ATP2B3: variants seen among roughly 807,000 people sequenced by gnomAD.
ATP2B3 encodes ATPase plasma membrane Ca2+ transporting 3.
Under a neutral mutation model 70.8 loss-of-function variants are expected in ATP2B3, and 12 were observed. The observed-to-expected ratio is 0.17, with a 90% confidence interval of 0.11 to 0.27. The LOEUF (loss-of-function observed/expected upper bound fraction) is 0.27. Among genes scored for constraint, ATP2B3 ranks in the 10% least tolerant of loss-of-function variants. The pLI is 1.00. For missense variants in ATP2B3, 858 were observed against 1,118.5 expected (o/e 0.77, Z 3.32); for synonymous variants, 460 against 497.8 (o/e 0.92, Z 1.01).
At chrX:153,533,273 C>T (rs989258279) in intron 2 of ATP2B3, 3 of 111,691 alleles carry the variant, frequency 2.7e-5, no homozygotes, top group Non-Finnish European at 5.6e-5. Flanking sequence ...AGGAATGGGT[C>T]GCGGGATTAT....
chrX:153,525,010 C>T (rs1444361204), intron 2 of ATP2B3, among the ~76,000 whole-genome samples: 2 of 111,919 alleles, frequency 1.8e-5, no homozygotes, highest in African/African-American at 3.3e-5. Context: ...AGATGGGAGG[C>T]GGGTGTGGGC....
Position 153,556,149 on chromosome X carries a change from G to T in ATP2B3, c.2159G>T (p.Gly720Val). The T allele has an allele frequency of 8.2e-7, 1 of 1,212,317 alleles. No homozygotes were observed. Among genetic ancestry groups the T allele is most frequent in the Non-Finnish European group, 1.1e-6 (1 of 895,571 alleles). ...GCCCGGGCCATCGCAGCCAAATGCGGCATCATCCAGCCCGGGGAGGACTTC... is the reference window on the plus strand; with the variant it reads ...GCCCGGGCCATCGCAGCCAAATGCGTCATCATCCAGCCCGGGGAGGACTTC... ...NTARAIAAKC[G>V]IIQPGEDFLC... The change falls in exon 14 of 22, where the codon GGC (glycine) becomes GTC (valine). Residue 720 changes from glycine (G) to valine (V), a missense_variant. Gly to Val is a moderately radical substitution (Grantham distance 109). Transcript: ENST00000263519.
intron 2 of ATP2B3, among the ~76,000 whole-genome samples, 70 bp downstream of exon 2, chrX:153,518,621 G>T (rs782262427): frequency 2.7e-5 from 3 of 111,464 alleles, no homozygotes; most frequent in African/African-American, 6.5e-5. Flanking sequence ...CCTTCTGCTG[G>T]CCCTTCTGGG....
At position 153,580,502 on chromosome X, in the gene ATP2B3, C is replaced by A; in HGVS notation, c.*204C>A. 5 of 404,910 alleles carry A rather than the reference C, an allele frequency of 1.2e-5. No individual in the cohort carries two copies. Among genetic ancestry groups the A allele is most frequent in the Non-Finnish European group, 2.1e-5 (5 of 236,946 alleles). 33.4% of individuals were successfully genotyped at this position (404,910 alleles called of 1,213,427 possible). On this transcript the variant is annotated 3_prime_UTR_variant, in exon 22 of 22. Coordinates refer to ENST00000263519, the MANE Select transcript of ATP2B3 (RefSeq NM_001001344.3). ...GTGCAGCCTGCCACAGGCTCCTCAT[C>A]CGGACTGAGGAAGACGAGGACAGGG...
chrX:153,563,318 T>A (rs1479142936), intron 20 of ATP2B3, among the ~76,000 whole-genome samples: 1 of 109,456 alleles, frequency 9.1e-6, no homozygotes, highest in Non-Finnish European at 1.9e-5. Context: ...AGTTTTGTAT[T>A]TTTTGTAGAG....
intron 2 of ATP2B3, among the ~76,000 whole-genome samples, chrX:153,526,700 C>A (rs1431204425): frequency 8.0e-5 from 9 of 111,902 alleles, no homozygotes; most frequent in Non-Finnish European, 1.7e-4. Context: ...TGGCAGCAGG[C>A]ATCCTGCCCC....
intron 20 of ATP2B3, 84 bp from the exon 21 acceptor site, chrX:153,564,837 G>A: frequency 1.0e-6 from 1 of 955,871 alleles, no homozygotes; most frequent in South Asian, 2.7e-5. Context: ...AAGGAGGCCG[G>A]CGTCTCCCTC....
chrX:153,574,068 G>T (rs782623556), intron 21 of ATP2B3, among the ~76,000 whole-genome samples: 1 of 112,908 alleles, frequency 8.9e-6, no homozygotes, highest in South Asian at 3.6e-4. Context: ...GTAGAAAGGG[G>T]CCTTCCCCTT....
rs1557017592 is a variant in ATP2B3 at position 153,564,959 on chromosome X, G to T, written c.3198G>T (p.Leu1066=). The T allele has an allele frequency of 8.3e-7, 1 of 1,198,819 alleles. No homozygotes were observed. The highest frequency in any genetic ancestry group is 1.1e-6 in the Non-Finnish European group (1 of 888,273). The change falls in exon 21 of 22, where the codon CTG becomes CTT. Residue 1066 remains leucine, a synonymous_variant. Coordinates refer to ENST00000263519, the MANE Select transcript of ATP2B3 (RefSeq NM_001001344.3). ...ATIPTSQLKC[L]KEAGHGPGKD... is the part of the protein sequence containing the mutation. The stretch of plus-strand genomic sequence containing the variant: ...TCCCCACCAGCCAGCTCAAGTGCCT[G>T]AAGGAAGCCGGGCACGGGCCCGGGA...
intron 21 of ATP2B3, among the ~76,000 whole-genome samples, chrX:153,578,772 G>A (rs142772308): frequency 8.9e-6 from 1 of 112,172 alleles, no homozygotes; most frequent in East Asian, 2.8e-4. Flanking sequence ...CGGAGCCCGG[G>A]AGGCAGCAGA....
In ATP2B3 at chrX:153,541,709, G is replaced by C; in HGVS notation, c.447G>C (p.Glu149Asp). ...NVSGGAEDEG[E>D]AEAGWIEGAA... Reference sequence around the variant, plus strand: ...CGGGAGGCGCAGAAGATGAGGGCGAGGCCGAAGCTGGCTGGATCGAGGGGG... The same window carrying C: ...CGGGAGGCGCAGAAGATGAGGGCGACGCCGAAGCTGGCTGGATCGAGGGGG... Residue 149 changes from glutamate to aspartate, a missense_variant, in exon 5 of 22, where the codon GAG becomes GAC. By Grantham distance (45) the Glu-to-Asp change is conservative (BLOSUM62 2). Around this residue, in one of 5 missense-constraint regions of ATP2B3, gnomAD observed 278 missense variants for 366.2 expected, o/e 0.76. Transcript: ENST00000263519. 8.3e-7 allele frequency: 1 copy of C among 1,211,552 alleles called. No homozygotes were observed. The highest frequency in any genetic ancestry group is 1.1e-6 in the Non-Finnish European group (1 of 895,523).
intron 2 of ATP2B3, among the ~76,000 whole-genome samples, chrX:153,525,443 G>C (rs782550182): frequency 9.8e-5 from 11 of 111,832 alleles, no homozygotes; most frequent in African/African-American, 3.6e-4. Context: ...AGAGCAGCAG[G>C]AGCAGGAGAG....
At chrX:153,519,281 G>A (rs1335816893) in intron 2 of ATP2B3, among the ~76,000 whole-genome samples, 4 of 112,360 alleles carry the variant, frequency 3.6e-5, no homozygotes, top group African/African-American at 1.3e-4. Context: ...GAGGAGAAGG[G>A]ATTCAGCCCT....
intron 21 of ATP2B3, among the ~76,000 whole-genome samples, chrX:153,576,973 G>A (rs781981821): frequency 4.4e-4 from 49 of 112,491 alleles, no homozygotes; most frequent in Non-Finnish European, 7.9e-4. Flanking sequence ...TAGGATGCAG[G>A]GAAAATAGAG....
chrX:153,566,757 C>T (rs1198604004), intron 21 of ATP2B3, among the ~76,000 whole-genome samples: 1 of 110,951 alleles, frequency 9.0e-6, no homozygotes, highest in African/African-American at 3.3e-5. Flanking sequence ...GCTGCCTTTC[C>T]AATCATGCCC....
At position 153,582,914 on chromosome X, in the gene ATP2B3, G is replaced by A. The variant is rs1470331045; in HGVS notation, c.*2616G>A. 4.4e-5 allele frequency: 5 copies of A among 112,426 alleles called. No homozygotes were observed. Among genetic ancestry groups the A allele is most frequent in the Admixed American group, 3.8e-4 (4 of 10,623 alleles). The allele number at this position is 112,426 out of a possible 1,213,427, so 9.3% of individuals were successfully genotyped here. ...TTTCTGTGTATAAAAAAAAATGAAA[G>A]GCTCCTTACATCCTGGTCTGGGTAA... On this transcript the variant is annotated 3_prime_UTR_variant, in exon 22 of 22. Transcript: ENST00000263519.
chrX:153,520,096 G>A (rs925988039), intron 2 of ATP2B3, among the ~76,000 whole-genome samples: 2 of 111,768 alleles, frequency 1.8e-5, no homozygotes, highest in Non-Finnish European at 3.8e-5. Flanking sequence ...GGTGGGCCTG[G>A]GGGAGCTGGA....
At chrX:153,534,676 G>A (rs1044606525) in intron 2 of ATP2B3, among the ~76,000 whole-genome samples, 149 of 113,303 alleles carry the variant, frequency 1.3e-3, no homozygotes, top group African/African-American at 4.6e-3. Context: ...ACAGGGCGGG[G>A]AGAGGTGGGG....
Position 153,541,562 on chromosome X carries a change from G to T in ATP2B3, c.406+6G>T, listed in dbSNP as rs190372353. ...GCCAGGAGAGGAGAGTGAAGGTAAG[G>T]CCCGGGGGCCTGGGCTGGAAGGAGG... On this transcript the variant is annotated splice_donor_region_variant and intron_variant, in intron 4 of 21. Coordinates refer to ENST00000263519, the MANE Select transcript of ATP2B3 (RefSeq NM_001001344.3). The T allele has an allele frequency of 8.3e-7, 1 of 1,210,984 alleles. No homozygotes were observed. Among genetic ancestry groups the T allele is most frequent in the Non-Finnish European group, 1.1e-6 (1 of 895,101 alleles).
Sources: gnomAD v4.1 joint callset for allele counts (sites outside exome capture counted in the v4.1 genomes callset) on GRCh38, gnomAD v4.1.1 for gene constraint, gnomAD v4.1.1 regional missense constraint, MANE v1.5 for transcripts, NCBI Gene and HGNC (gene_info 2026-07-23, HGNC 2026-07-21) for gene names.